ZFYVE16: variants seen among roughly 807,000 people sequenced by gnomAD.
The protein encoded by ZFYVE16 is zinc finger FYVE-type containing 16, also known as zinc finger FYVE domain-containing protein 16.
ZFYVE16 carries 89 observed loss-of-function variants against 138.1 expected under a neutral mutation model. The observed-to-expected ratio is 0.64, with a 90% CI of 0.54 to 0.77. The LOEUF (loss-of-function observed/expected upper bound fraction) is 0.77, where lower values mean the gene tolerates loss of function less well. Among genes scored for constraint, ZFYVE16 ranks in the 30% least tolerant of loss-of-function variants. ZFYVE16 has a pLI of 0.00. For synonymous variants in ZFYVE16, 596 were observed against 618.3 expected (o/e 0.96, Z 0.53); for missense variants, 1,793 against 1,786.7 (o/e 1.00, Z -0.06).
chr5:80,451,859 C>A (rs1450355829), intron 11 of ZFYVE16, 150 bp downstream of exon 11: 1 of 737,594 alleles, frequency 1.4e-6, no homozygotes, highest in East Asian at 2.7e-5. Context: ...CCCTCTTCTA[C>A]TACCAGGTTG....
At position 80,448,249 on chromosome 5, in the gene ZFYVE16, G is replaced by A. The variant is rs1218914456; in HGVS notation, c.2948G>A (p.Gly983Asp). 1 of 1,613,666 alleles carries A rather than the reference G, an allele frequency of 6.2e-7. No individual in the cohort carries two copies. The highest frequency in any genetic ancestry group is 8.5e-7 in the Non-Finnish European group (1 of 1,179,864). ...ACTGAAGAACCATCTAGTCCTACTGGTGTCTTAGTTAACAGCAATTTACCT... is the reference window on the plus strand; with the variant it reads ...ACTGAAGAACCATCTAGTCCTACTGATGTCTTAGTTAACAGCAATTTACCT... Reference protein sequence around the residue: ...AETEEPSSPTGVLVNSNLPIA... With the variant: ...AETEEPSSPTDVLVNSNLPIA... The change falls in exon 8 of 19, where the codon GGT becomes GAT. Residue 983 changes from glycine to aspartate, a missense_variant. Gly to Asp is a moderately conservative substitution (Grantham distance 94). Coordinates refer to ENST00000505560, the MANE Select transcript of ZFYVE16 (RefSeq NM_001284236.3).
chr5:80,413,936 A>T lies in ZFYVE16; in HGVS notation c.-94+5783A>T, dbSNP rs1024028916. On this transcript the variant is annotated intron_variant, in intron 1 of 18. Coordinates refer to ENST00000505560, the MANE Select transcript of ZFYVE16 (RefSeq NM_001284236.3). Reference sequence around the variant, plus strand: ...TTTTTGTACCAACTCCTACCTTTAAACACTGCATTTCACTTCCCCTCTCCC... The same window carrying T: ...TTTTTGTACCAACTCCTACCTTTAATCACTGCATTTCACTTCCCCTCTCCC... 1.1e-4 allele frequency among the ~76,000 whole-genome samples: 17 copies of T among 152,192 alleles called. No individual in the cohort carries two copies. In the South Asian group the frequency reaches 1.7e-3, roughly 15 times the overall value.
chr5:80,449,002 A>G (rs1751696050), intron 8 of ZFYVE16, among the ~76,000 whole-genome samples: 1 of 152,164 alleles, frequency 6.6e-6, no homozygotes, highest in African/African-American at 2.4e-5. Flanking sequence ...GTGATAATGT[A>G]GAGGAATGAA....
intron 3 of ZFYVE16, among the ~76,000 whole-genome samples, chr5:80,436,164 C>A (rs1662550803): frequency 6.6e-6 from 1 of 152,154 alleles, no homozygotes. Context: ...TTTGGAGTAA[C>A]AGGAGAATGC....
intron 15 of ZFYVE16, among the ~76,000 whole-genome samples, chr5:80,461,060 A>T (rs1236634599): frequency 6.6e-6 from 1 of 152,232 alleles, no homozygotes; most frequent in East Asian, 1.9e-4. Flanking sequence ...CAGATTAGGC[A>T]TTCCAAATCC....
In ZFYVE16 at chr5:80,472,938, A is replaced by G. The variant is rs567445385; in HGVS notation, c.4187+15A>G. On this transcript the variant is annotated intron_variant, in intron 16 of 18. Coordinates refer to ENST00000505560, the MANE Select transcript of ZFYVE16 (RefSeq NM_001284236.3). ...GGAAACAAAGGGTAGGAATTTTTTT[A>G]TTCTAAAATATAATTGATTTGAAGG... 6.4e-7 allele frequency: 1 copy of G among 1,568,394 alleles called. No individual in the cohort carries two copies. The highest frequency in any genetic ancestry group is 1.4e-5 in the African/African-American group (1 of 73,162).
chr5:80,431,815 G>A (rs1002662364), intron 2 of ZFYVE16, among the ~76,000 whole-genome samples: 2 of 152,178 alleles, frequency 1.3e-5, no homozygotes, highest in Non-Finnish European at 1.5e-5. Context: ...GCCAAATCAT[G>A]AGTGAACTCC....
chr5:80,432,257 A>G lies in ZFYVE16; in HGVS notation c.-39-1852A>G, dbSNP rs534185728. Among the ~76,000 whole-genome samples the G allele has an allele frequency of 2.0e-5, 3 of 152,326 alleles. No individual in the cohort carries two copies. In the East Asian group the frequency reaches 5.8e-4, roughly 29 times the overall value. On this transcript the variant is annotated intron_variant, in intron 2 of 18. Transcript: ENST00000505560. The stretch of plus-strand genomic sequence containing the variant: ...CAGAGATATAGACAAATGGAACAGA[A>G]CAGAGCCCTCAGAAATAATACCACA...
At chr5:80,442,960 G>A (rs259032) in intron 5 of ZFYVE16, 163 bp from the exon 6 acceptor site, 548,505 of 614,036 alleles carry the variant, frequency 0.89, 249,963 homozygotes, top group East Asian at 0.95. Context: ...AGCCTGTGCT[G>A]GCTACTCAGA....
intron 18 of ZFYVE16, 65 bp downstream of exon 18, chr5:80,474,895 A>C: frequency 6.6e-7 from 1 of 1,525,726 alleles, no homozygotes; most frequent in Non-Finnish European, 8.8e-7. Context: ...GTTTTTCTTC[A>C]ACCTTTTATT....
rs780976702 is a variant in ZFYVE16, at chr5:80,438,359, A to T, written c.1674A>T (p.Lys558Asn). 2 of 1,613,712 alleles carry T rather than the reference A, an allele frequency of 1.2e-6. No homozygotes were observed. Among genetic ancestry groups the T allele is most frequent in the African/African-American group, 2.7e-5 (2 of 74,984 alleles). Reference sequence around the variant, plus strand: ...TTGAAGAAAATGTAAATGACTCTAAATCGCAAATGAATCAGATAGATATGA... The same window carrying T: ...TTGAAGAAAATGTAAATGACTCTAATTCGCAAATGAATCAGATAGATATGA... ...KSFEENVNDS[K>N]SQMNQIDMKG... The change falls in exon 4 of 19, where the codon AAA (lysine) becomes AAT (asparagine). Residue 558 changes from lysine to asparagine, a missense_variant. Physicochemically the swap from Lys to Asn is moderately conservative, Grantham distance 94. Around this residue, in one of 2 missense-constraint regions of ZFYVE16, gnomAD observed 1,295 missense variants for 1,204.3 expected, o/e 1.08. Transcript: ENST00000505560.
chr5:80,449,845 T>G lies in ZFYVE16; in HGVS notation c.3226+132T>G. 6 of 1,025,168 alleles carry G rather than the reference T, an allele frequency of 5.9e-6. No homozygotes were observed. In the Middle Eastern group the frequency reaches 1.3e-3, roughly 230 times the overall value. 63.5% of individuals were successfully genotyped at this position (1,025,168 alleles called of 1,614,324 possible). ...TGGATATTGGTTTTTCAGCCACATA[T>G]GACTGTAAATAAATTTTGCAAATTT... On this transcript the variant is annotated intron_variant, in intron 9 of 18. Coordinates refer to ENST00000505560, the MANE Select transcript of ZFYVE16 (RefSeq NM_001284236.3).
intron 6 of ZFYVE16, 81 bp from the exon 7 acceptor site, chr5:80,445,181 GA>G (rs991461720): frequency 6.6e-7 from 1 of 1,519,190 alleles, no homozygotes; most frequent in African/African-American, 1.4e-5. Flanking sequence ...AAAAGCTTTT[GA>G]AAACATTTCA....
In ZFYVE16 at chr5:80,457,070, T is replaced by C. The variant is rs1214739822; in HGVS notation, c.3921T>C (p.Ser1307=). The change falls in exon 14 of 19, where the codon AGT becomes AGC. Residue 1307 remains serine (S), a synonymous_variant. Transcript: ENST00000505560. Reference sequence around the variant, plus strand: ...GAATTTATGAAACACAGGCCAACAGTGCCACTGGCCATCCTAGAAAAGGTG... The same window carrying C: ...GAATTTATGAAACACAGGCCAACAGCGCCACTGGCCATCCTAGAAAAGGTG... ...NDGIYETQAN[S]ATGHPRKVTG... The C allele has an allele frequency of 1.2e-6, 2 of 1,611,986 alleles. No homozygotes were observed. The highest frequency in any genetic ancestry group is 2.7e-5 in the African/African-American group (2 of 74,838).
At chr5:80,477,096 TATATC>T (rs1754987417) in intron 18 of ZFYVE16, 118 bp from the exon 19 acceptor site, 2 of 766,548 alleles carry the variant, frequency 2.6e-6, no homozygotes, top group Non-Finnish European at 1.9e-6. Flanking sequence ...TTTTTATAAA[TATATC>T]AAATATTTTA....
At chr5:80,441,385 G>A in intron 5 of ZFYVE16, 1 of 985,346 alleles carries the variant, frequency 1.0e-6, no homozygotes. Flanking sequence ...TGTGGAATGA[G>A]CTTATTTAGT....
chr5:80,462,103 A>G (rs2112500685), intron 15 of ZFYVE16, among the ~76,000 whole-genome samples: 1 of 152,366 alleles, frequency 6.6e-6, no homozygotes, highest in African/African-American at 2.4e-5. Context: ...GGGCTTCAAC[A>G]TACGAATTCT....
intron 3 of ZFYVE16, among the ~76,000 whole-genome samples, chr5:80,434,550 C>T (rs750476974): frequency 6.6e-6 from 1 of 152,162 alleles, no homozygotes; most frequent in Non-Finnish European, 1.5e-5. Context: ...AATCAGAGCT[C>T]ATTGCAGCCT....
At position 80,443,256 on chromosome 5, in the gene ZFYVE16, C is replaced by A. The variant is rs139973464; in HGVS notation, c.2553C>A (p.Val851=). The change falls in exon 6 of 19, where the codon GTC becomes GTA. Residue 851 remains valine (V), a synonymous_variant. Coordinates refer to ENST00000505560, the MANE Select transcript of ZFYVE16 (RefSeq NM_001284236.3). ...SSIPSPATLP[V]SALKQPGVEG... is the part of the protein sequence containing the mutation. Reference sequence around the variant, plus strand: ...TACCTTCACCAGCAACTTTGCCAGTCTCAGCACTTAAACAACCAGGTGTTG... The same window carrying A: ...TACCTTCACCAGCAACTTTGCCAGTATCAGCACTTAAACAACCAGGTGTTG... 1 of 1,610,462 alleles carries A rather than the reference C, an allele frequency of 6.2e-7. No individual in the cohort carries two copies. Among genetic ancestry groups the A allele is most frequent in the Non-Finnish European group, 8.5e-7 (1 of 1,179,188 alleles).
Sources: gnomAD v4.1 joint callset for allele counts (sites outside exome capture counted in the v4.1 genomes callset) on GRCh38, gnomAD v4.1.1 for gene constraint, gnomAD v4.1.1 regional missense constraint, MANE v1.5 for transcripts, NCBI Gene and HGNC (gene_info 2026-07-23, HGNC 2026-07-21) for gene names.